LINC00632: variants seen among roughly 807,000 people sequenced by gnomAD.
The protein encoded by LINC00632 is long independently transcribed non-coding RNA 632.
At chrX:140,759,983 A>C (rs1223459008) in intron 3 of LINC00632, among the ~76,000 whole-genome samples, 1 of 112,115 alleles carries the variant, frequency 8.9e-6, no homozygotes, top group Non-Finnish European at 1.9e-5. Context: ...TCATTCATTC[A>C]ACATACACAG....
intron 3 of LINC00632, among the ~76,000 whole-genome samples, chrX:140,758,694 T>C (rs1404627391): frequency 8.9e-6 from 1 of 111,871 alleles, no homozygotes; most frequent in African/African-American, 3.2e-5. Flanking sequence ...TATATTTTCC[T>C]TATAGGTTTT....
chrX:140,766,239 C>A (rs1931690855), intron 3 of LINC00632, among the ~76,000 whole-genome samples: 1 of 111,838 alleles, frequency 8.9e-6, no homozygotes, highest in Non-Finnish European at 1.9e-5. Flanking sequence ...TACATAGAAT[C>A]TTTTTTGACT....
intron 3 of LINC00632, among the ~76,000 whole-genome samples, chrX:140,762,242 A>C (rs62618215): frequency 0.014 from 1,402 of 99,791 alleles, 3 homozygotes; most frequent in Middle Eastern, 0.036. Context: ...AGAGAGAGAG[A>C]GCACTCTTAT....
chrX:140,731,248 A>G (rs1931050809), intron 2 of LINC00632, among the ~76,000 whole-genome samples: 1 of 111,749 alleles, frequency 8.9e-6, no homozygotes. Context: ...CATGGATGCA[A>G]TATTTACTTT....
intron 3 of LINC00632, among the ~76,000 whole-genome samples, chrX:140,737,006 T>C (rs1202891594): frequency 1.9e-5 from 2 of 105,214 alleles, no homozygotes; most frequent in African/African-American, 7.0e-5. Flanking sequence ...TTCAAGTGAG[T>C]CTCGTGCCTC....
intron 2 of LINC00632, among the ~76,000 whole-genome samples, chrX:140,723,948 A>G (rs1360434067): frequency 1.2e-5 from 1 of 84,517 alleles, no homozygotes; most frequent in Admixed American, 1.4e-4. Context: ...CACACATTCC[A>G]TACACATGCA....
At chrX:140,790,035 A>G (rs1206611265) in exon 5 of LINC00632, among the ~76,000 whole-genome samples, 3 of 111,246 alleles carry the variant, frequency 2.7e-5, no homozygotes, top group African/African-American at 6.5e-5. Flanking sequence ...ATTCTCCTAT[A>G]TATTCTTCTA....
chrX:140,729,469 A>G (rs1236384299), intron 2 of LINC00632, among the ~76,000 whole-genome samples: 2 of 111,136 alleles, frequency 1.8e-5, no homozygotes, highest in Non-Finnish European at 3.8e-5. Context: ...GAGATTTACT[A>G]TAGCTGTCCA....
intron 2 of LINC00632, chrX:140,716,439 G>A (rs1326652976): frequency 9.0e-6 from 1 of 110,718 alleles, no homozygotes; most frequent in Admixed American, 9.7e-5. Flanking sequence ...TATTAGAATT[G>A]TTAATGTATA....
chrX:140,739,421 A>G (rs766752743), intron 3 of LINC00632, among the ~76,000 whole-genome samples: 1 of 110,277 alleles, frequency 9.1e-6, no homozygotes, highest in Non-Finnish European at 1.9e-5. Context: ...GGGTTTCTCC[A>G]TGTTGGTCAG....
chrX:140,716,684 A>T (rs998854929), intron 2 of LINC00632, among the ~76,000 whole-genome samples: 2 of 108,936 alleles, frequency 1.8e-5, no homozygotes, highest in East Asian at 5.9e-4. Flanking sequence ...AAATTTGTGC[A>T]CAGGCTTGCT....
At chrX:140,716,462 C>T (rs1930630272) in intron 2 of LINC00632, among the ~76,000 whole-genome samples, 2 of 110,473 alleles carry the variant, frequency 1.8e-5, no homozygotes, top group Non-Finnish European at 3.8e-5. Flanking sequence ...ACAACCATCA[C>T]TATCATTACT....
chrX:140,710,867 A>C (rs1353264794), intron 1 of LINC00632, among the ~76,000 whole-genome samples: 1 of 111,199 alleles, frequency 9.0e-6, no homozygotes, highest in Non-Finnish European at 1.9e-5. Context: ...TGTTTTGCAG[A>C]GGGAAAGGGA....
exon 5 of LINC00632, among the ~76,000 whole-genome samples, chrX:140,789,180 G>GTTA (rs1366168329): frequency 9.2e-6 from 1 of 108,349 alleles, no homozygotes; most frequent in Non-Finnish European, 1.9e-5. Context: ...GTGTTGATAT[G>GTTA]TTATTATTAA....
intron 3 of LINC00632, among the ~76,000 whole-genome samples, chrX:140,769,829 T>C (rs1931760320): frequency 9.0e-6 from 1 of 111,459 alleles, no homozygotes; most frequent in Non-Finnish European, 1.9e-5. Context: ...CTAAAAATTC[T>C]ACCCATTCTT....
chrX:140,774,925 C>T (rs1931853574), exon 5 of LINC00632, among the ~76,000 whole-genome samples: 1 of 111,390 alleles, frequency 9.0e-6, no homozygotes, highest in Non-Finnish European at 1.9e-5. Flanking sequence ...ATTTTGTACT[C>T]CTGAAATTTG....
chrX:140,722,233 A>G (rs1310373749), intron 2 of LINC00632, among the ~76,000 whole-genome samples: 1 of 110,284 alleles, frequency 9.1e-6, no homozygotes, highest in African/African-American at 3.3e-5. Flanking sequence ...ACCCGCAATA[A>G]ACAAACATGC....
At chrX:140,736,166 AAATT>A (rs1441591970) in intron 3 of LINC00632, among the ~76,000 whole-genome samples, 2 of 111,217 alleles carry the variant, frequency 1.8e-5, no homozygotes, top group Non-Finnish European at 3.8e-5. Context: ...ACTTCAAAAT[AAATT>A]AAGAAATTAA....
chrX:140,736,596 C>T (rs1931148924), intron 3 of LINC00632, among the ~76,000 whole-genome samples: 1 of 107,473 alleles, frequency 9.3e-6, no homozygotes, highest in Non-Finnish European at 1.9e-5. Context: ...TCCATCACGC[C>T]CAGCTAATTT....
Sources: gnomAD v4.1 joint callset for allele counts (sites outside exome capture counted in the v4.1 genomes callset) on GRCh38, gnomAD v4.1.1 for gene constraint, MANE v1.5 for transcripts, NCBI Gene and HGNC (gene_info 2026-07-23, HGNC 2026-07-21) for gene names.